The following USP47 variants were observed in gnomAD, a reference collection of about 807,000 sequenced individuals.
USP47 encodes ubiquitin specific peptidase 47.
USP47 carries 35 observed loss-of-function variants against 165.1 expected under a neutral mutation model. That is an observed-to-expected ratio of 0.21 (90% confidence interval 0.16 to 0.28). The LOEUF is 0.28. Ranked by LOEUF, USP47 falls within the 10% of genes least tolerant of loss-of-function variation. The pLI, the probability that USP47 is intolerant of heterozygous loss-of-function variation, is 1.00. For synonymous variants in USP47, 531 were observed against 544.5 expected, an observed-to-expected ratio of 0.98 and a Z score of 0.35; for missense variants, 1,277 against 1,607.4, an observed-to-expected ratio of 0.79 and a Z score of 3.52.
intron 3 of USP47, among the ~76,000 whole-genome samples, chr11:11,886,991 G>C (rs1391303874): frequency 6.6e-6 from 1 of 152,044 alleles, no homozygotes; most frequent in East Asian, 1.9e-4. Context: ...TAAGTTTCAT[G>C]AGCAAAGGAA....
chr11:11,921,189 CT>C (rs758293102), intron 10 of USP47, among the ~76,000 whole-genome samples: 1 of 151,020 alleles, frequency 6.6e-6, no homozygotes, highest in Non-Finnish European at 1.5e-5. Context: ...ATCACTTAGG[CT>C]AATTATTTCA....
At chr11:11,877,764 C>G (rs2134285692) in intron 1 of USP47, among the ~76,000 whole-genome samples, 1 of 141,078 alleles carries the variant, frequency 7.1e-6, no homozygotes, top group African/African-American at 2.6e-5. Context: ...GCATGCATAG[C>G]CTTTCTCTCT....
chr11:11,929,141 G>T (rs1275143548), intron 11 of USP47, among the ~76,000 whole-genome samples: 1 of 151,886 alleles, frequency 6.6e-6, no homozygotes, highest in Non-Finnish European at 1.5e-5. Context: ...TGAAATTTTA[G>T]ACTATTATTT....
chr11:11,911,217 T>C (rs1852955651), intron 8 of USP47, among the ~76,000 whole-genome samples: 1 of 152,134 alleles, frequency 6.6e-6, no homozygotes, highest in Non-Finnish European at 1.5e-5. Flanking sequence ...ATATATATCC[T>C]CAAGGACTTA....
intron 14 of USP47, among the ~76,000 whole-genome samples, chr11:11,932,131 A>G (rs1564885696): frequency 1.3e-5 from 2 of 152,136 alleles, no homozygotes; most frequent in African/African-American, 4.8e-5. Flanking sequence ...TCAGAAGGCA[A>G]TATGGGAGCA....
At position 11,842,190 on chromosome 11, in the gene USP47, T is replaced by A. The variant is rs772250799; in HGVS notation, c.5T>A (p.Val2Glu). The A allele has an allele frequency of 3.2e-6, 5 of 1,553,660 alleles. No individual in the cohort carries two copies. In the South Asian group the frequency reaches 5.9e-5, roughly 18 times the overall value. Residue 2 changes from valine to glutamate, a missense_variant, in exon 1 of 28, where the codon GTG (valine) becomes GAG (glutamate). Val to Glu is a moderately radical substitution (Grantham distance 121). Coordinates refer to ENST00000527733, the MANE Select transcript of USP47 (RefSeq NM_001282659.2). Reference protein sequence around the residue: MVPGEENQLVPK... With the variant: MEPGEENQLVPK... ...GAGGAGCGGCCGGAGTCAGCGATGGTGCCCGGCGAGGAGAACCAACTGGTC... is the reference window on the plus strand; with the variant it reads ...GAGGAGCGGCCGGAGTCAGCGATGGAGCCCGGCGAGGAGAACCAACTGGTC...
rs1853735199 is a variant in USP47 at position 11,920,282 on chromosome 11, A to T, written c.1065+31A>T. ...TGCCATGTAGAGATTAATACTTAGG[A>T]ATCTGAGATAATATTCCATATTCAA... On this transcript the variant is annotated intron_variant, in intron 9 of 27. Coordinates refer to ENST00000527733, the MANE Select transcript of USP47 (RefSeq NM_001282659.2). 5 of 1,605,828 alleles carry T rather than the reference A, an allele frequency of 3.1e-6. No homozygotes were observed. In the South Asian group the frequency reaches 5.6e-5, roughly 18 times the overall value.
At chr11:11,911,738 A>G (rs1853007248) in intron 8 of USP47, among the ~76,000 whole-genome samples, 1 of 152,184 alleles carries the variant, frequency 6.6e-6, no homozygotes, top group Admixed American at 6.6e-5. Context: ...GAACTCAGCA[A>G]CACCATCAAC....
intron 1 of USP47, among the ~76,000 whole-genome samples, chr11:11,859,026 T>C (rs1849224846): frequency 1.3e-5 from 2 of 152,002 alleles, no homozygotes; most frequent in South Asian, 4.1e-4. Flanking sequence ...GCAGTGTCAG[T>C]TTTTTTTAAG....
At chr11:11,848,908 C>CTGTATACATCA in intron 1 of USP47, among the ~76,000 whole-genome samples, 1 of 151,984 alleles carries the variant, frequency 6.6e-6, no homozygotes, top group South Asian at 2.1e-4. Context: ...CATGCCCAGC[C>CTGTATACATCA]GAAACTAGCG....
chr11:11,885,366 A>G (rs1357591814), intron 3 of USP47, among the ~76,000 whole-genome samples: 1 of 152,038 alleles, frequency 6.6e-6, no homozygotes, highest in Non-Finnish European at 1.5e-5. Context: ...TAGGCAAACA[A>G]CTCAACTCAA....
rs1847387401 is a variant in USP47, at chr11:11,960,157, C to T, written c.*3982C>T. On this transcript the variant is annotated 3_prime_UTR_variant, in exon 28 of 28. Coordinates refer to ENST00000527733, the MANE Select transcript of USP47 (RefSeq NM_001282659.2). ...TATCTTAAAGTTCAGTGGTTTCATT[C>T]AAAGCTCCCCTGAACCTCCATAGTG... Among the ~76,000 whole-genome samples the T allele has an allele frequency of 6.6e-6, 1 of 152,150 alleles. No individual in the cohort carries two copies. The highest frequency in any genetic ancestry group is 6.5e-5 in the Admixed American group (1 of 15,272).
chr11:11,902,100 A>G (rs769193339), intron 5 of USP47, among the ~76,000 whole-genome samples: 2 of 152,148 alleles, frequency 1.3e-5, no homozygotes, highest in Non-Finnish European at 2.9e-5. Flanking sequence ...GCATACCTCC[A>G]TCATATCATC....
At chr11:11,946,550 C>T (rs1855854324) in intron 20 of USP47, among the ~76,000 whole-genome samples, 1 of 152,158 alleles carries the variant, frequency 6.6e-6, no homozygotes, top group Non-Finnish European at 1.5e-5. Context: ...GGATGACCTG[C>T]CTACAGCCAT....
At chr11:11,853,613 A>G (rs1848850061) in intron 1 of USP47, among the ~76,000 whole-genome samples, 1 of 152,176 alleles carries the variant, frequency 6.6e-6, no homozygotes, top group African/African-American at 2.4e-5. Context: ...GCATACTTCC[A>G]TTTCCTTTGT....
In USP47 at chr11:11,950,276, T is replaced by C. The variant is rs1385865571; in HGVS notation, c.3465-88T>C. 4.4e-6 allele frequency: 4 copies of C among 909,766 alleles called. No individual in the cohort carries two copies. In the African/African-American group the frequency reaches 5.1e-5, roughly 12 times the overall value. The allele number at this position is 909,766 out of a possible 1,614,324, so 56.4% of individuals were successfully genotyped here. A position where few individuals can be genotyped will look rare whatever the true frequency, so the allele number is the denominator to read the frequency against. On this transcript the variant is annotated intron_variant, in intron 23 of 27. Transcript: ENST00000527733. ...TTTGACTTTTGTATTTGAACATAGT[T>C]CATTTTTCTTTGGTGTCAGATTAGT...
chr11:11,904,634 A>G (rs1260366220), intron 7 of USP47, among the ~76,000 whole-genome samples: 2 of 152,044 alleles, frequency 1.3e-5, no homozygotes, highest in East Asian at 3.9e-4. Context: ...GGGCATTCCT[A>G]CTGAGTTCCC....
intron 1 of USP47, among the ~76,000 whole-genome samples, chr11:11,848,724 C>T (rs113704858): frequency 6.6e-6 from 1 of 151,560 alleles, no homozygotes. Flanking sequence ...ATTCTCCTGC[C>T]TCAGCCTCCT....
intron 5 of USP47, among the ~76,000 whole-genome samples, chr11:11,901,967 A>C (rs1055823239): frequency 3.9e-5 from 6 of 151,986 alleles, no homozygotes; most frequent in Non-Finnish European, 7.4e-5. Context: ...TCAAAAAAAA[A>C]AAAAAAAAAG....
Sources: allele counts gnomAD v4.1 joint callset (sites outside exome capture counted in the v4.1 genomes callset), GRCh38; gene constraint gnomAD v4.1.1; transcripts MANE v1.5; gene names NCBI Gene and HGNC (gene_info 2026-07-23, HGNC 2026-07-21).